Variants in COL19A1 observed in about 807,000 individuals in gnomAD.
The protein encoded by COL19A1 is collagen type XIX alpha 1 chain, also known as collagen alpha-1(XIX) chain.
Under a neutral mutation model 190.2 loss-of-function variants are expected in COL19A1, and 159 were observed. The observed-to-expected ratio is 0.84, with a 90% CI of 0.73 to 0.95. The LOEUF (loss-of-function observed/expected upper bound fraction) is 0.95. COL19A1 is among the 40% of genes least tolerant of loss of function. COL19A1 has a pLI of 0.00. For missense variants in COL19A1, 1,418 were observed against 1,431.9 expected, an observed-to-expected ratio of 0.99 and a Z score of 0.16; for synonymous variants, 509 against 458.9, an observed-to-expected ratio of 1.11 and a Z score of -1.39.
intron 17 of COL19A1, among the ~76,000 whole-genome samples, chr6:70,122,987 A>T (rs1427741274): frequency 6.6e-6 from 1 of 152,168 alleles, no homozygotes; most frequent in African/African-American, 2.4e-5. Context: ...GGAGTATTAT[A>T]TTAGGAAGAA....
chr6:70,046,762 C>T (rs1779942046), intron 14 of COL19A1, among the ~76,000 whole-genome samples: 1 of 152,010 alleles, frequency 6.6e-6, no homozygotes. Context: ...ACTTGTTAAA[C>T]TCATAGATGG....
chr6:70,176,757 G>C (rs1012983448), intron 42 of COL19A1, among the ~76,000 whole-genome samples, 193 bp downstream of exon 42: 1 of 152,072 alleles, frequency 6.6e-6, no homozygotes, highest in Admixed American at 6.5e-5. Flanking sequence ...CTTTTGTTTT[G>C]TTTTGTTTTT....
At chr6:69,956,948 C>T (rs1382955976) in intron 9 of COL19A1, among the ~76,000 whole-genome samples, 1 of 151,890 alleles carries the variant, frequency 6.6e-6, no homozygotes, top group Non-Finnish European at 1.5e-5. Flanking sequence ...GAATGTCTAA[C>T]TGTTAAAAAA....
chr6:69,972,454 G>A (rs1775485784), intron 11 of COL19A1, among the ~76,000 whole-genome samples: 1 of 152,146 alleles, frequency 6.6e-6, no homozygotes, highest in Non-Finnish European at 1.5e-5. Flanking sequence ...GCACACAAAA[G>A]TATTCAATTA....
At chr6:69,934,526 C>T (rs542430041) in intron 7 of COL19A1, among the ~76,000 whole-genome samples, 102 of 151,854 alleles carry the variant, frequency 6.7e-4, no homozygotes, top group African/African-American at 2.4e-3. Flanking sequence ...AACTTTCCAC[C>T]TGATTTATGA....
intron 15 of COL19A1, among the ~76,000 whole-genome samples, chr6:70,100,771 C>T (rs1441323586): frequency 6.6e-6 from 1 of 151,968 alleles, no homozygotes; most frequent in Non-Finnish European, 1.5e-5. Flanking sequence ...AGCCACCATG[C>T]CTAGCCTATG....
intron 11 of COL19A1, among the ~76,000 whole-genome samples, chr6:69,986,218 G>A (rs1409286169): frequency 3.6e-5 from 3 of 84,398 alleles, no homozygotes; most frequent in East Asian, 4.2e-4. Flanking sequence ...TGACTTACAC[G>A]TTTTATATAT....
chr6:70,067,391 T>A (rs1438812093), intron 14 of COL19A1, among the ~76,000 whole-genome samples: 2 of 151,954 alleles, frequency 1.3e-5, no homozygotes, highest in African/African-American at 4.8e-5. Flanking sequence ...GGAGAATGAG[T>A]TCTAGATTTC....
At chr6:70,104,406 G>A (rs374052096) in intron 16 of COL19A1, among the ~76,000 whole-genome samples, 37 of 152,210 alleles carry the variant, frequency 2.4e-4, no homozygotes, top group East Asian at 9.7e-4. Context: ...AGTGTGAAGC[G>A]GGAAGTGCAC....
At chr6:70,030,321 C>T (rs1778982280) in intron 12 of COL19A1, among the ~76,000 whole-genome samples, 1 of 151,832 alleles carries the variant, frequency 6.6e-6, no homozygotes, top group Non-Finnish European at 1.5e-5. Context: ...TATTTTATAC[C>T]TACAAAATAA....
At chr6:70,062,422 G>A (rs939280539) in intron 14 of COL19A1, among the ~76,000 whole-genome samples, 2 of 150,330 alleles carry the variant, frequency 1.3e-5, no homozygotes, top group East Asian at 1.9e-4. Context: ...TTACAGACAG[G>A]CAAATGCTGA....
At chr6:70,100,368 A>T (rs2150185778) in intron 15 of COL19A1, among the ~76,000 whole-genome samples, 1 of 152,302 alleles carries the variant, frequency 6.6e-6, no homozygotes, top group East Asian at 1.9e-4. Flanking sequence ...AAACTGCAAG[A>T]CTAGAACATG....
At chr6:70,130,950 GT>G in intron 18 of COL19A1, 1 of 299,622 alleles carries the variant, frequency 3.3e-6, no homozygotes, top group Admixed American at 4.0e-5. Context: ...TTTTGGTGGG[GT>G]TTTATACTGT....
intron 25 of COL19A1, among the ~76,000 whole-genome samples, chr6:70,146,244 C>T (rs979558767): frequency 1.3e-5 from 2 of 152,018 alleles, no homozygotes; most frequent in African/African-American, 4.8e-5. Context: ...ATTTCTCTTC[C>T]AGAGGTTTTG....
chr6:70,185,984 T>C lies in COL19A1; in HGVS notation c.2856+1069T>C, dbSNP rs78286577. On this transcript the variant is annotated intron_variant, in intron 46 of 50. Coordinates refer to ENST00000620364, the MANE Select transcript of COL19A1 (RefSeq NM_001858.6). ...TTTCCATCTCTCTCACTCTAATACA[T>C]AATATACACATATATTTATATGTAT... is the stretch of plus-strand genomic sequence containing the variant. 8.1e-3 allele frequency among the ~76,000 whole-genome samples: 1,232 copies of C among 152,250 alleles called. 20 individuals are homozygous for C. Among genetic ancestry groups the C allele is most frequent in the African/African-American group, 0.027 (1,139 of 41,552 alleles).
intron 20 of COL19A1, among the ~76,000 whole-genome samples, 190 bp downstream of exon 20, chr6:70,141,179 T>C (rs945055472): frequency 6.6e-6 from 1 of 152,074 alleles, no homozygotes. Context: ...TTGTTAACTG[T>C]TGTCATGCAA....
chr6:70,085,094 T>G (rs1019775755), intron 15 of COL19A1, among the ~76,000 whole-genome samples: 2 of 152,230 alleles, frequency 1.3e-5, no homozygotes, highest in African/African-American at 4.8e-5. Context: ...AATTGCTAAT[T>G]ATTATATCAT....
At chr6:70,141,726 A>C (rs1172353000) in intron 20 of COL19A1, among the ~76,000 whole-genome samples, 167 bp from the exon 21 acceptor site, 1 of 152,094 alleles carries the variant, frequency 6.6e-6, no homozygotes, top group Non-Finnish European at 1.5e-5. Flanking sequence ...ATTAGTAGTA[A>C]GTATTTTGAA....
intron 44 of COL19A1, among the ~76,000 whole-genome samples, chr6:70,182,379 G>A (rs1766229487): frequency 6.6e-6 from 1 of 152,186 alleles, no homozygotes; most frequent in Non-Finnish European, 1.5e-5. Flanking sequence ...GGGAGGGAGA[G>A]CCAAGAGTTC....
Sources: allele counts gnomAD v4.1 joint callset (sites outside exome capture counted in the v4.1 genomes callset), GRCh38; gene constraint gnomAD v4.1.1; transcripts MANE v1.5; gene names NCBI Gene and HGNC (gene_info 2026-07-23, HGNC 2026-07-21).